Variants in KCNC4 observed in about 807,000 individuals in gnomAD.
KCNC4 encodes the protein voltage-gated potassium channel KCNC4.
A neutral mutation model predicts 42.8 loss-of-function variants in KCNC4; 23 were observed. The observed-to-expected ratio is 0.54, with a 90% CI of 0.39 to 0.76. The LOEUF (loss-of-function observed/expected upper bound fraction) is 0.76. Ranked by LOEUF, KCNC4 falls within the 30% of genes least tolerant of loss-of-function variation. The pLI is 0.00. For missense variants in KCNC4, 751 were observed against 898.2 expected (o/e 0.84, Z 2.10); for synonymous variants, 422 against 393.5 (o/e 1.07, Z -0.86).
exon 4 of KCNC4, chr1:110,241,404 C>T (rs1239512874): frequency 1.3e-5 from 2 of 152,158 alleles, no homozygotes; most frequent in African/African-American, 2.4e-5. Context: ...TGTTGACCTT[C>T]TCTCAACTTG....
intron 1 of KCNC4, among the ~76,000 whole-genome samples, chr1:110,280,955 G>C (rs182028294): frequency 3.9e-5 from 6 of 152,186 alleles, no homozygotes; most frequent in Non-Finnish European, 7.4e-5. Context: ...AGTTTCTCCA[G>C]GAGCCCTCCT....
At chr1:110,232,861 A>T in intron 3 of KCNC4, 50 bp from the exon 4 acceptor site, 2 of 1,573,632 alleles carry the variant, frequency 1.3e-6, no homozygotes, top group Non-Finnish European at 1.7e-6. Flanking sequence ...GGCAATGTTG[A>T]GCCGAAAGCG....
rs767676723 is a variant in KCNC4, at chr1:110,211,850, C to T, written c.351C>T (p.Cys117=). 5.0e-6 allele frequency: 8 copies of T among 1,611,624 alleles called. No individual in the cohort carries two copies. In the South Asian group the frequency reaches 5.5e-5, roughly 11 times the overall value. The change falls in exon 1 of 4, where the codon TGC becomes TGT. Residue 117 remains cysteine (C), a synonymous_variant. Coordinates refer to ENST00000438661, the MANE Select transcript of KCNC4 (RefSeq NM_001039574.3). The surrounding 1 kb of genome is among the most constrained non-coding windows in gnomAD (Gnocchi z 6.5). ...ACTACCGCACCGGCAAGCTGCACTG[C>T]CCCGCGGACGTGTGCGGGCCGCTCT... ...LNYYRTGKLH[C]PADVCGPLFE...
chr1:110,226,808 A>G (rs1357246693), intron 3 of KCNC4, among the ~76,000 whole-genome samples: 2 of 152,146 alleles, frequency 1.3e-5, no homozygotes, highest in African/African-American at 4.8e-5. Flanking sequence ...GTATTTGGAG[A>G]GAGAGGGAGC....
rs1415243942 is a variant in KCNC4 at position 110,217,407 on chromosome 1, A to G, written c.678+5230A>G. Among the ~76,000 whole-genome samples the G allele has an allele frequency of 2.6e-5, 4 of 152,134 alleles. No homozygotes were observed. In the East Asian group the frequency reaches 7.7e-4, roughly 29 times the overall value. ...CACATTATAAATACATACATAAATA[A>G]ATAAAATTTCCATGTGGGTAGAGCT... On this transcript the variant is annotated intron_variant, in intron 1 of 3. Coordinates refer to ENST00000438661, the MANE Select transcript of KCNC4 (RefSeq NM_001039574.3).
At chr1:110,226,379 C>T in intron 3 of KCNC4, 2 of 609,900 alleles carry the variant, frequency 3.3e-6, no homozygotes, top group East Asian at 2.8e-5. Flanking sequence ...CAGAAGGGCA[C>T]ACGGCTCCCA....
intron 2 of KCNC4, chr1:110,225,154 G>C (rs1309062203): frequency 6.6e-6 from 1 of 152,212 alleles, no homozygotes; most frequent in Non-Finnish European, 1.5e-5. Context: ...GTATTAAAAC[G>C]TAGAAGTCCT....
chr1:110,279,292 T>A (rs2101093504), intron 1 of KCNC4, among the ~76,000 whole-genome samples: 1 of 152,280 alleles, frequency 6.6e-6, no homozygotes, highest in East Asian at 1.9e-4. Flanking sequence ...CAACTCGCCA[T>A]CCTGTTCTCT....
At position 110,280,163 on chromosome 1, in the gene KCNC4, G is replaced by A. The variant is rs140060090; in HGVS notation, n.31-2371G>A. On this transcript the variant is annotated intron_variant and non_coding_transcript_variant, in intron 1 of 2. Transcript: ENST00000412512. ...ACCCACTAGATGATCACAATAGGTT[G>A]GTTCTCTTTTTAACCATTTCGCAGA... 6.6e-5 allele frequency among the ~76,000 whole-genome samples: 10 copies of A among 152,156 alleles called. No homozygotes were observed. In the East Asian group the frequency reaches 1.9e-3, roughly 29 times the overall value.
intron 1 of KCNC4, among the ~76,000 whole-genome samples, chr1:110,213,463 C>G (rs1219178288): frequency 6.6e-6 from 1 of 152,140 alleles, no homozygotes; most frequent in Non-Finnish European, 1.5e-5. Context: ...TAGAAGAAGG[C>G]AGGGTAGGGA....
At chr1:110,256,412 C>A (rs1659332281) in intron 1 of KCNC4, among the ~76,000 whole-genome samples, 1 of 152,162 alleles carries the variant, frequency 6.6e-6, no homozygotes, top group Non-Finnish European at 1.5e-5. Flanking sequence ...TAAACTGAGG[C>A]CCCGAAAGAA....
chr1:110,213,046 G>T (rs1431698881), intron 1 of KCNC4, among the ~76,000 whole-genome samples: 1 of 151,856 alleles, frequency 6.6e-6, no homozygotes, highest in Non-Finnish European at 1.5e-5. Flanking sequence ...ATGAGGGAAG[G>T]GGGAAGCACA....
Position 110,276,199 on chromosome 1 carries a change from TG to T in KCNC4, n.31-6334del, listed in dbSNP as rs149314429. 6.5e-3 allele frequency among the ~76,000 whole-genome samples: 965 copies of T among 149,268 alleles called. 14 individuals carry two copies. Among genetic ancestry groups the T allele is most frequent in the African/African-American group, 0.021 (854 of 40,424 alleles). ...ATGAGAAATTGCTTAATGGGTACAA[TG>T]TACATTATTCAGGTGAAGGTTACAC... On this transcript the variant is annotated intron_variant and non_coding_transcript_variant, in intron 1 of 2. Transcript: ENST00000412512.
At position 110,232,929 on chromosome 1, in the gene KCNC4, T is replaced by C. The variant is rs769585123; in HGVS notation, c.1838T>C (p.Leu613Pro). 10 of 1,612,156 alleles carry C rather than the reference T, an allele frequency of 6.2e-6. No individual in the cohort carries two copies. In the East Asian group the frequency reaches 2.0e-4, roughly 32 times the overall value. Residue 613 changes from leucine (L) to proline (P), a missense_variant, in exon 4 of 4, where the codon CTC (leucine) becomes CCC (proline). By Grantham distance (98) the Leu-to-Pro change is moderately conservative. Around this residue, in one of 4 missense-constraint regions of KCNC4, gnomAD observed 202 missense variants for 181.5 expected, o/e 1.11. Transcript: ENST00000438661. ...AACACAGAGACCTGCCAAGACGCCC[T>C]CTCGTCCAACTATGCCCAGGCTGAA... ...SVRKETCQDALSSNYAQAEVL... is the reference protein window; with the variant it reads ...SVRKETCQDAPSSNYAQAEVL...
chr1:110,211,757 C>A lies in KCNC4; in HGVS notation c.258C>A (p.Ser86Arg), dbSNP rs1382664920. 1 of 1,609,400 alleles carries A rather than the reference C, an allele frequency of 6.2e-7. No individual in the cohort carries two copies. Among genetic ancestry groups the A allele is most frequent in the African/African-American group, 1.3e-5 (1 of 74,860 alleles). Reference sequence around the variant, plus strand: ...GCGGCGGTGTGGGTAGCAGCGGCAGCAGCGGCGGCGGGGGCTGCGAGTTCT... The same window carrying A: ...GCGGCGGTGTGGGTAGCAGCGGCAGAAGCGGCGGCGGGGGCTGCGAGTTCT... ...TDGGGVGSSG[S>R]SGGGGCEFFF... Residue 86 changes from serine (S) to arginine (R), a missense_variant, in exon 1 of 4, where the codon AGC becomes AGA. Around this residue, in one of 4 missense-constraint regions of KCNC4, gnomAD observed 183 missense variants for 255.8 expected, o/e 0.72. Transcript: ENST00000438661. This position sits in a 1 kb window ranked among gnomAD's most constrained non-coding sequence, Gnocchi z 6.5.
chr1:110,261,776 C>T (rs1659459776), intron 1 of KCNC4, among the ~76,000 whole-genome samples: 1 of 152,170 alleles, frequency 6.6e-6, no homozygotes, highest in Non-Finnish European at 1.5e-5. Context: ...TCTTATAACA[C>T]TTTGAAATGG....
intron 3 of KCNC4, among the ~76,000 whole-genome samples, chr1:110,227,474 G>T (rs1238659798): frequency 6.6e-6 from 1 of 152,210 alleles, no homozygotes; most frequent in African/African-American, 2.4e-5. Context: ...GTGCCTAGAA[G>T]GAAGTGGTCC....
chr1:110,272,076 C>G (rs1659645967), intron 1 of KCNC4, among the ~76,000 whole-genome samples: 1 of 152,190 alleles, frequency 6.6e-6, no homozygotes, highest in South Asian at 2.1e-4. Context: ...GGGTACCTGG[C>G]CCACTCCATC....
At position 110,211,065 on chromosome 1, in the gene KCNC4, G is replaced by A. The variant is rs1295193164; in HGVS notation, c.-435G>A. Among the ~76,000 whole-genome samples, 5 of 152,262 alleles carry A rather than the reference G, an allele frequency of 3.3e-5. No homozygotes were observed. Among genetic ancestry groups the A allele is most frequent in the African/African-American group, 1.2e-4 (5 of 41,476 alleles). ...GCCGGCTATTCCGGGGCTTGGTGCG[G>A]TCTTGGAGCCGGAGGGTGGCCCGTG... On this transcript the variant is annotated 5_prime_UTR_variant, in exon 1 of 4. Coordinates refer to ENST00000438661, the MANE Select transcript of KCNC4 (RefSeq NM_001039574.3). This position sits in a 1 kb window ranked among gnomAD's most constrained non-coding sequence, Gnocchi z 6.5.
Sources: allele counts gnomAD v4.1 joint callset (sites outside exome capture counted in the v4.1 genomes callset), GRCh38; gene constraint gnomAD v4.1.1; regional missense constraint gnomAD v4.1.1; non-coding constraint Gnocchi (gnomAD v3.1); transcripts MANE v1.5; gene names NCBI Gene and HGNC (gene_info 2026-07-23, HGNC 2026-07-21).